Variants in THSD4 observed in about 807,000 individuals in gnomAD.
THSD4 encodes the protein thrombospondin type-1 domain-containing protein 4.
THSD4 carries 69 observed loss-of-function variants against 119.0 expected under a neutral mutation model. The observed-to-expected ratio is 0.58, with a 90% CI of 0.48 to 0.71. The LOEUF is 0.71. Among genes scored for constraint, THSD4 ranks in the 30% least tolerant of loss-of-function variants. The probability of loss-of-function intolerance (pLI) is 0.00; values close to 1 mark genes in which losing one functional copy is unlikely to be tolerated. For synonymous variants in THSD4, 524 were observed against 540.4 expected, an observed-to-expected ratio of 0.97 and a Z score of 0.42; for missense variants, 1,393 against 1,391.1, an observed-to-expected ratio of 1.00 and a Z score of -0.02.
rs1336942629 is a variant in THSD4 at position 71,587,440 on chromosome 15, G to A, written c.1153-73090G>A. Among the ~76,000 whole-genome samples, 6 of 116,192 alleles carry A rather than the reference G, an allele frequency of 5.2e-5. No homozygotes were observed. In the South Asian group the frequency reaches 1.7e-3, roughly 33 times the overall value. The allele number at this position is 116,192 out of a possible 152,430, so 76.2% of individuals were successfully genotyped here. ...CATATACACCATGGAATACTATGCA[G>A]CCGTAAAAAATGATGAGTTCATGTC... is the stretch of plus-strand genomic sequence containing the variant. On this transcript the variant is annotated intron_variant, in intron 7 of 17. Coordinates refer to ENST00000261862, the MANE Select transcript of THSD4 (RefSeq NM_024817.3).
intron 8 of THSD4, among the ~76,000 whole-genome samples, chr15:71,670,566 T>A (rs1347702330): frequency 6.6e-6 from 1 of 152,000 alleles, no homozygotes; most frequent in Non-Finnish European, 1.5e-5. Flanking sequence ...GTTACATATG[T>A]ATACATGTGC....
At chr15:71,441,474 C>A (rs2047088915) in intron 7 of THSD4, among the ~76,000 whole-genome samples, 1 of 96,758 alleles carries the variant, frequency 1.0e-5, no homozygotes, top group African/African-American at 3.0e-5. Flanking sequence ...AAAATCTGCC[C>A]CCTGGGGTTT....
chr15:71,442,648 G>GTA, intron 7 of THSD4, among the ~76,000 whole-genome samples: 1 of 24,748 alleles, frequency 4.0e-5, no homozygotes, highest in Non-Finnish European at 1.2e-4. Flanking sequence ...GTGTATATGT[G>GTA]TGTGTGTGTG....
chr15:71,154,185 G>A (rs2040753701), intron 2 of THSD4, among the ~76,000 whole-genome samples: 1 of 152,218 alleles, frequency 6.6e-6, no homozygotes, highest in Non-Finnish European at 1.5e-5. Flanking sequence ...GAATGATGGA[G>A]CTGCGATTCT....
At chr15:71,141,643 T>C in intron 2 of THSD4, 87 bp downstream of exon 2, 1 of 1,407,856 alleles carries the variant, frequency 7.1e-7, no homozygotes, top group Admixed American at 2.2e-5. Context: ...AAGTAAGTGA[T>C]CTTAAGGGTC....
intron 6 of THSD4, among the ~76,000 whole-genome samples, chr15:71,346,868 C>CTTTTTTT (rs71154763): frequency 0.025 from 2,149 of 86,038 alleles, 14 homozygotes; most frequent in Non-Finnish European, 0.03. Flanking sequence ...TTTTCATTTT[C>CTTTTTTT]TTTTTTTTTT....
chr15:71,422,127 T>C (rs1041939863), intron 7 of THSD4, among the ~76,000 whole-genome samples: 5 of 152,216 alleles, frequency 3.3e-5, no homozygotes, highest in African/African-American at 7.2e-5. Context: ...AGGTTACATA[T>C]CTCTTGTTTT....
At chr15:71,603,455 C>G (rs570305372) in intron 7 of THSD4, among the ~76,000 whole-genome samples, 30 of 152,274 alleles carry the variant, frequency 2.0e-4, no homozygotes, top group South Asian at 8.3e-4. Context: ...AGGGACCCTC[C>G]CCTTTATCTG....
In THSD4 at chr15:71,119,503, G is replaced by A. The variant is rs139576247; in HGVS notation, c.-80+3805G>A. ...GAGGCCCTGACTTTGACTCTAAGGAGTGAGCAATGGAGAGTTGTGGCCAAG... is the reference window on the plus strand; with the variant it reads ...GAGGCCCTGACTTTGACTCTAAGGAATGAGCAATGGAGAGTTGTGGCCAAG... On this transcript the variant is annotated intron_variant, in intron 1 of 17. Coordinates refer to ENST00000261862, the MANE Select transcript of THSD4 (RefSeq NM_024817.3). Among the ~76,000 whole-genome samples the A allele has an allele frequency of 2.7e-3, 415 of 152,324 alleles. 3 individuals are homozygous for A. Among genetic ancestry groups the A allele is most frequent in the Admixed American group, 0.01 (155 of 15,306 alleles).
rs565264500 is a variant in THSD4 at position 71,617,484 on chromosome 15, A to G, written c.1153-43046A>G. ...ATTTTTTAAACTTTCCCAGGACTCA[A>G]TTAACCTCACTTAAACAATTTTTTG... On this transcript the variant is annotated intron_variant, in intron 7 of 17. Transcript: ENST00000261862. Among the ~76,000 whole-genome samples, 10 of 152,234 alleles carry G rather than the reference A, an allele frequency of 6.6e-5. 1 individual carries two copies. Among genetic ancestry groups the G allele is most frequent in the East Asian group, 3.9e-4 (2 of 5,176 alleles).
intron 6 of THSD4, among the ~76,000 whole-genome samples, chr15:71,326,697 AAAAATATATATATATATATAT>A (rs1257099991): frequency 6.8e-5 from 3 of 44,082 alleles, no homozygotes; most frequent in Non-Finnish European, 1.3e-4. Context: ...AAAAAAAAAA[AAAAATATATATATATATATAT>A]ATATATATTA....
chr15:71,529,808 T>G (rs560029457), intron 7 of THSD4, among the ~76,000 whole-genome samples: 1 of 152,362 alleles, frequency 6.6e-6, no homozygotes, highest in East Asian at 1.9e-4. Flanking sequence ...TGAAGGATAC[T>G]TAATCTACAG....
chr15:71,395,080 G>A (rs1387270755), intron 6 of THSD4, among the ~76,000 whole-genome samples: 1 of 152,176 alleles, frequency 6.6e-6, no homozygotes, highest in Non-Finnish European at 1.5e-5. Flanking sequence ...ACAATGAGGA[G>A]AACCATTGAG....
intron 6 of THSD4, among the ~76,000 whole-genome samples, chr15:71,395,950 C>CACACAA (rs1269758447): frequency 6.8e-6 from 1 of 147,886 alleles, no homozygotes; most frequent in Non-Finnish European, 1.5e-5. Flanking sequence ...CACACACACA[C>CACACAA]ACAAACACAG....
chr15:71,563,725 T>G (rs967729346), intron 7 of THSD4, among the ~76,000 whole-genome samples: 1 of 152,236 alleles, frequency 6.6e-6, no homozygotes, highest in African/African-American at 2.4e-5. Flanking sequence ...ATGACCTTAG[T>G]AGATGTGGCT....
At chr15:71,452,371 A>G (rs2047277159) in intron 7 of THSD4, among the ~76,000 whole-genome samples, 1 of 151,710 alleles carries the variant, frequency 6.6e-6, no homozygotes, top group Non-Finnish European at 1.5e-5. Context: ...AGGTGTTTCT[A>G]CCCTGGGCTG....
At chr15:71,355,944 T>C (rs2140412910) in intron 6 of THSD4, among the ~76,000 whole-genome samples, 1 of 152,296 alleles carries the variant, frequency 6.6e-6, no homozygotes, top group African/African-American at 2.4e-5. Context: ...CTTGGCTCAC[T>C]GCAACCTCTG....
intron 4 of THSD4, among the ~76,000 whole-genome samples, chr15:71,236,115 A>C (rs2044103162): frequency 6.6e-6 from 1 of 152,116 alleles, no homozygotes; most frequent in African/African-American, 2.4e-5. Context: ...TCATGTTAGC[A>C]CAGCTGAGAG....
chr15:71,615,461 A>G (rs1452954093), intron 7 of THSD4, among the ~76,000 whole-genome samples: 1 of 152,128 alleles, frequency 6.6e-6, no homozygotes, highest in Non-Finnish European at 1.5e-5. Context: ...GGAAATATGC[A>G]TTTATAAATT....
Sources: allele counts gnomAD v4.1 joint callset (sites outside exome capture counted in the v4.1 genomes callset), GRCh38; gene constraint gnomAD v4.1.1; transcripts MANE v1.5; gene names NCBI Gene and HGNC (gene_info 2026-07-23, HGNC 2026-07-21).